Variants in USP3 observed in about 807,000 individuals in gnomAD.
USP3 encodes the protein ubiquitin specific peptidase 3.
Under a neutral mutation model 72.3 loss-of-function variants are expected in USP3, and 20 were observed. That is an observed-to-expected ratio of 0.28 (90% CI 0.19 to 0.40). USP3 has a LOEUF of 0.40. USP3 is among the 10% of genes least tolerant of loss of function. USP3 has a pLI of 1.00. For synonymous variants in USP3, 222 were observed against 225.3 expected (o/e 0.99, Z 0.13); for missense variants, 479 against 633.9 (o/e 0.76, Z 2.62).
Position 63,553,619 on chromosome 15 carries a change from A to G in USP3, c.285-96A>G, listed in dbSNP as rs1037138114. The G allele has an allele frequency of 1.8e-6, 2 of 1,089,638 alleles. No homozygotes were observed. Among genetic ancestry groups the G allele is most frequent in the Admixed American group, 2.6e-5 (1 of 38,086 alleles). 67.5% of individuals were successfully genotyped at this position (1,089,638 alleles called of 1,614,324 possible). A position where few individuals can be genotyped will look rare whatever the true frequency, so the allele number is the denominator to read the frequency against. The stretch of plus-strand genomic sequence containing the variant: ...ACCAGCAGTAACTGCCTGCAGAGCC[A>G]TGTGATCATCTTGGCAACAGCCAGA... On this transcript the variant is annotated intron_variant, in intron 3 of 14. Coordinates refer to ENST00000380324, the MANE Select transcript of USP3 (RefSeq NM_006537.4). The surrounding 1 kb of genome is among the most constrained non-coding windows in gnomAD (Gnocchi z 4.2).
chr15:63,593,401 T>C lies in USP3; in HGVS notation c.*2575T>C, dbSNP rs1372638717. 6.6e-6 allele frequency: 1 copy of C among 152,190 alleles called. No homozygotes were observed. The allele number at this position is 152,190 out of a possible 1,614,324, so 9.4% of individuals were successfully genotyped here. A position where few individuals can be genotyped will look rare whatever the true frequency, so the allele number is the denominator to read the frequency against. ...AGCTGTAACCTCTAACATTGATACT[T>C]CGATCTTCAGTCTCTCTGAATGGGC... On this transcript the variant is annotated 3_prime_UTR_variant, in exon 15 of 15. Coordinates refer to ENST00000380324, the MANE Select transcript of USP3 (RefSeq NM_006537.4).
chr15:63,505,652 C>T (rs959312614), intron 1 of USP3, among the ~76,000 whole-genome samples: 2 of 152,156 alleles, frequency 1.3e-5, no homozygotes, highest in African/African-American at 2.4e-5. Flanking sequence ...CTGCTGGCCC[C>T]CTTGGAAGCC....
intron 11 of USP3, among the ~76,000 whole-genome samples, chr15:63,583,255 C>G (rs1354634098): frequency 6.6e-6 from 1 of 152,114 alleles, no homozygotes; most frequent in African/African-American, 2.4e-5. Flanking sequence ...GACAGTATTT[C>G]AGAGTCATAC....
chr15:63,579,738 A>T (rs1194208257), intron 11 of USP3, among the ~76,000 whole-genome samples: 4 of 152,212 alleles, frequency 2.6e-5, no homozygotes, highest in Non-Finnish European at 4.4e-5. Context: ...AAAAGAGATG[A>T]TAAACTTGAG....
chr15:63,513,751 T>C (rs1370277519), intron 1 of USP3, among the ~76,000 whole-genome samples: 1 of 152,226 alleles, frequency 6.6e-6, no homozygotes, highest in Non-Finnish European at 1.5e-5. Context: ...GCCGGAGTAA[T>C]ATTTTGATTA....
chr15:63,509,404 C>G (rs2065754056), intron 1 of USP3, among the ~76,000 whole-genome samples: 1 of 152,044 alleles, frequency 6.6e-6, no homozygotes, highest in African/African-American at 2.4e-5. Context: ...TTCACTAGCC[C>G]GCACTCCCAG....
At chr15:63,572,859 A>G (rs1023506211) in intron 9 of USP3, among the ~76,000 whole-genome samples, 3 of 152,254 alleles carry the variant, frequency 2.0e-5, no homozygotes, top group Non-Finnish European at 4.4e-5. Context: ...TTAAGAACAG[A>G]TATTCAGGCC....
At chr15:63,523,764 C>A (rs2065946961) in intron 1 of USP3, among the ~76,000 whole-genome samples, 1 of 152,112 alleles carries the variant, frequency 6.6e-6, no homozygotes. Context: ...AGGAATATGT[C>A]AGAACTCTTG....
At chr15:63,537,193 G>C in intron 3 of USP3, 37 bp downstream of exon 3, 1 of 1,591,370 alleles carries the variant, frequency 6.3e-7, no homozygotes, top group Non-Finnish European at 8.6e-7. Context: ...ATTTCTTACT[G>C]TGTGCAAGTG....
chr15:63,556,524 G>A (rs536043999), intron 4 of USP3, 143 bp from the exon 5 acceptor site: 5 of 533,646 alleles, frequency 9.4e-6, no homozygotes, highest in Admixed American at 3.5e-5. Flanking sequence ...CTTCAAATAC[G>A]TGTGGGCCCC....
At chr15:63,543,621 A>G (rs1251515358) in intron 3 of USP3, among the ~76,000 whole-genome samples, 1 of 152,194 alleles carries the variant, frequency 6.6e-6, no homozygotes, top group East Asian at 1.9e-4. Context: ...ATATGGATTT[A>G]TTCGTCCCAT....
intron 11 of USP3, among the ~76,000 whole-genome samples, chr15:63,586,277 C>CT (rs1299930315): frequency 6.6e-6 from 1 of 152,148 alleles, no homozygotes. Flanking sequence ...AGCTTTCAGT[C>CT]TTTCACCATT....
At chr15:63,590,281 C>CTGAT (rs2067169055) in intron 14 of USP3, among the ~76,000 whole-genome samples, 3 of 152,250 alleles carry the variant, frequency 2.0e-5, no homozygotes, top group South Asian at 4.2e-4. Context: ...GTGGGTCATG[C>CTGAT]TGATAGGGTA....
chr15:63,574,543 C>A lies in USP3; in HGVS notation c.1096+140C>A. On this transcript the variant is annotated intron_variant, in intron 11 of 14. Transcript: ENST00000380324. This position sits in a 1 kb window ranked among gnomAD's most constrained non-coding sequence, Gnocchi z 4.6. ...CTTAACAAAAGTCAAACTTGAATGT[C>A]TTTTCCTACTCCCCAAAATGTTATT... 1.8e-6 allele frequency: 1 copy of A among 563,146 alleles called. No homozygotes were observed. 34.9% of individuals were successfully genotyped at this position (563,146 alleles called of 1,614,324 possible).
At chr15:63,540,575 C>T (rs73443006) in intron 3 of USP3, among the ~76,000 whole-genome samples, 3,506 of 152,246 alleles carry the variant, frequency 0.023, 136 homozygotes, top group African/African-American at 0.077. Context: ...ATTTTTCCTG[C>T]AGACAACTTA....
intron 11 of USP3, among the ~76,000 whole-genome samples, chr15:63,578,334 G>T (rs1306350513): frequency 6.6e-6 from 1 of 152,042 alleles, no homozygotes; most frequent in African/African-American, 2.4e-5. Flanking sequence ...GCCAGGCGTG[G>T]TGGCTGAAGC....
At chr15:63,519,130 TG>T (rs2065886928) in intron 1 of USP3, among the ~76,000 whole-genome samples, 1 of 152,196 alleles carries the variant, frequency 6.6e-6, no homozygotes, top group African/African-American at 2.4e-5. Flanking sequence ...GATAGAATGC[TG>T]TTACCTAATG....
At chr15:63,513,089 C>T (rs960473896) in intron 1 of USP3, among the ~76,000 whole-genome samples, 1 of 152,166 alleles carries the variant, frequency 6.6e-6, no homozygotes, top group Non-Finnish European at 1.5e-5. Context: ...TCAGTGTGAG[C>T]TGTTTCCATT....
In USP3 at chr15:63,593,970, C is replaced by G. The variant is rs761498913; in HGVS notation, c.*3144C>G. On this transcript the variant is annotated 3_prime_UTR_variant, in exon 15 of 15. Coordinates refer to ENST00000380324, the MANE Select transcript of USP3 (RefSeq NM_006537.4). ...CAAATCTCTCTCCATGGTGGAGAAA[C>G]CTTTGCTTATCCACTGTATTCTACT... 2 of 152,198 alleles carry G rather than the reference C, an allele frequency of 1.3e-5. No homozygotes were observed. Among genetic ancestry groups the G allele is most frequent in the African/African-American group, 2.4e-5 (1 of 41,438 alleles). 9.4% of individuals were successfully genotyped at this position (152,198 alleles called of 1,614,324 possible).
Sources: allele counts gnomAD v4.1 joint callset (sites outside exome capture counted in the v4.1 genomes callset), GRCh38; gene constraint gnomAD v4.1.1; non-coding constraint Gnocchi (gnomAD v3.1); transcripts MANE v1.5; gene names NCBI Gene and HGNC (gene_info 2026-07-23, HGNC 2026-07-21).